HTR1F: variants seen among roughly 807,000 people sequenced by gnomAD.
HTR1F encodes the protein 5-hydroxytryptamine receptor 1F.
A neutral mutation model predicts 24.0 loss-of-function variants in HTR1F; 17 were observed. The observed-to-expected ratio is 0.71, with a 90% CI of 0.48 to 1.06. HTR1F has a LOEUF of 1.06. Ranked by LOEUF, HTR1F falls within the 50% of genes least tolerant of loss-of-function variation. HTR1F has a pLI of 0.00. For missense variants in HTR1F, 391 were observed against 427.8 expected, an observed-to-expected ratio of 0.91 and a Z score of 0.76; for synonymous variants, 186 against 156.8, an observed-to-expected ratio of 1.19 and a Z score of -1.39.
At chr3:87,928,329 G>C (rs1440165685) in intron 2 of HTR1F, among the ~76,000 whole-genome samples, 1 of 152,098 alleles carries the variant, frequency 6.6e-6, no homozygotes, top group Non-Finnish European at 1.5e-5. Context: ...ACAGGCACGA[G>C]CCACCACGCT....
intron 2 of HTR1F, among the ~76,000 whole-genome samples, chr3:87,895,807 T>C (rs1706185150): frequency 6.6e-6 from 1 of 152,178 alleles, no homozygotes; most frequent in Admixed American, 6.6e-5. Flanking sequence ...CTTTGGTGAA[T>C]TTTTGACATC....
At chr3:87,949,345 C>G (rs1425930691) in intron 2 of HTR1F, among the ~76,000 whole-genome samples, 1 of 152,232 alleles carries the variant, frequency 6.6e-6, no homozygotes, top group Non-Finnish European at 1.5e-5. Context: ...GCTTAAAAGT[C>G]TGACACTGCA....
chr3:87,917,364 C>A (rs1375623545), intron 2 of HTR1F, among the ~76,000 whole-genome samples: 11 of 137,280 alleles, frequency 8.0e-5, no homozygotes, highest in African/African-American at 2.2e-4. Context: ...AAGATCAGAG[C>A]AGAACTAAAT....
At chr3:87,816,258 A>G (rs1412179127) in intron 1 of HTR1F, among the ~76,000 whole-genome samples, 1 of 152,110 alleles carries the variant, frequency 6.6e-6, no homozygotes, top group Non-Finnish European at 1.5e-5. Flanking sequence ...ACCATGACTT[A>G]CAGAAACTAT....
chr3:87,863,514 C>A (rs556130896), intron 2 of HTR1F, among the ~76,000 whole-genome samples: 1 of 152,282 alleles, frequency 6.6e-6, no homozygotes, highest in South Asian at 2.1e-4. Flanking sequence ...CTGCAGAATA[C>A]AATTTTGCTA....
intron 2 of HTR1F, among the ~76,000 whole-genome samples, chr3:87,914,926 C>A (rs1346863164): frequency 2.0e-5 from 3 of 152,058 alleles, no homozygotes; most frequent in Non-Finnish European, 4.4e-5. Context: ...AGCTAAGAAC[C>A]CTCACAGAGT....
chr3:87,957,613 T>C (rs1417290410), intron 2 of HTR1F, among the ~76,000 whole-genome samples: 3 of 151,466 alleles, frequency 2.0e-5, no homozygotes, highest in Non-Finnish European at 4.4e-5. Flanking sequence ...ATCTATTTAT[T>C]TTTCAGTAAA....
At chr3:87,793,318 T>A (rs1328211725) in intron 1 of HTR1F, 1 of 145,702 alleles carries the variant, frequency 6.9e-6, no homozygotes, top group East Asian at 2.1e-4. Flanking sequence ...CTTGAGAGGA[T>A]TCGCGGGGGG....
chr3:87,890,459 C>A (rs1399842975), intron 2 of HTR1F, among the ~76,000 whole-genome samples: 1 of 150,172 alleles, frequency 6.7e-6, no homozygotes. Context: ...AAACAAGAAA[C>A]AAATATTTTA....
In HTR1F at chr3:87,990,899, G is replaced by C. The variant is rs372074106; in HGVS notation, c.150G>C (p.Val50=). The C allele has an allele frequency of 1.5e-4, 244 of 1,614,052 alleles. No individual in the cohort carries two copies. The highest frequency in any genetic ancestry group is 2.1e-4 in the Non-Finnish European group (242 of 1,180,042). The part of the protein sequence containing the change: ...INSLVIAAII[V]TRKLHHPANY... The stretch of plus-strand genomic sequence containing the variant: ...CCCTTGTGATCGCTGCAATTATTGT[G>C]ACCCGGAAGCTGCACCATCCAGCCA... Residue 50 remains valine, a synonymous_variant, in exon 3 of 3, where the codon GTG becomes GTC. Transcript: ENST00000319595.
At chr3:87,817,789 A>G (rs995303982) in intron 1 of HTR1F, among the ~76,000 whole-genome samples, 6 of 152,194 alleles carry the variant, frequency 3.9e-5, no homozygotes, top group Non-Finnish European at 7.3e-5. Flanking sequence ...GAGATGATGT[A>G]ACTGTATGGC....
rs139182887 is a variant in HTR1F at position 87,891,712 on chromosome 3, G to A, written c.-43+69588G>A. ...TTTCAGGTCAAGTGATTGATACTTC[G>A]TTGTTTCTCTCACTGAACTCTTTTT... On this transcript the variant is annotated intron_variant, in intron 2 of 2. Coordinates refer to ENST00000319595, the MANE Select transcript of HTR1F (RefSeq NM_001322209.2). Among the ~76,000 whole-genome samples the A allele has an allele frequency of 2.2e-4, 34 of 152,168 alleles. 2 individuals are homozygous for A. Among genetic ancestry groups the A allele is most frequent in the African/African-American group, 7.2e-4 (30 of 41,506 alleles).
intron 2 of HTR1F, among the ~76,000 whole-genome samples, chr3:87,940,275 T>G: frequency 6.6e-6 from 1 of 152,168 alleles, no homozygotes. Flanking sequence ...GAGGAGTGTT[T>G]TAAAGGCCTT....
intron 1 of HTR1F, among the ~76,000 whole-genome samples, chr3:87,803,720 A>C (rs955892487): frequency 2.6e-5 from 4 of 152,226 alleles, no homozygotes; most frequent in African/African-American, 9.6e-5. Flanking sequence ...GAAAAGTAGA[A>C]GGAATACTTC....
intron 2 of HTR1F, among the ~76,000 whole-genome samples, chr3:87,931,021 C>G (rs1390690418): frequency 3.5e-5 from 3 of 85,084 alleles, no homozygotes; most frequent in Non-Finnish European, 7.3e-5. Context: ...GTGCCATAGT[C>G]TTTCCTTTTT....
At chr3:87,972,833 A>AT (rs1199711915) in intron 2 of HTR1F, among the ~76,000 whole-genome samples, 1 of 149,834 alleles carries the variant, frequency 6.7e-6, no homozygotes, top group Non-Finnish European at 1.5e-5. Context: ...ACCTTGTTTC[A>AT]TTTTTTTGGC....
intron 2 of HTR1F, among the ~76,000 whole-genome samples, chr3:87,845,210 A>G (rs1173628561): frequency 6.6e-6 from 1 of 151,682 alleles, no homozygotes; most frequent in East Asian, 1.9e-4. Context: ...CCTATTCAAC[A>G]TAGTGTTGGA....
intron 2 of HTR1F, among the ~76,000 whole-genome samples, chr3:87,951,141 T>A (rs544840305): frequency 1.2e-3 from 179 of 152,234 alleles, no homozygotes; most frequent in Non-Finnish European, 2.2e-3. Flanking sequence ...CCCACTCCAA[T>A]ACTGCTAAGT....
chr3:87,973,473 C>G (rs1055177978), intron 2 of HTR1F, among the ~76,000 whole-genome samples: 4 of 152,154 alleles, frequency 2.6e-5, no homozygotes, highest in African/African-American at 9.7e-5. Flanking sequence ...ATTTAAAACT[C>G]CAGTGTAACA....
Sources: allele counts gnomAD v4.1 joint callset (sites outside exome capture counted in the v4.1 genomes callset), GRCh38; gene constraint gnomAD v4.1.1; transcripts MANE v1.5; gene names NCBI Gene and HGNC (gene_info 2026-07-23, HGNC 2026-07-21).